Variants in STT3A observed in about 807,000 individuals in gnomAD.
The protein encoded by STT3A is STT3 oligosaccharyltransferase complex catalytic subunit A.
Under a neutral mutation model 89.2 loss-of-function variants are expected in STT3A, and 34 were observed. The observed-to-expected ratio is 0.38, with a 90% confidence interval of 0.29 to 0.51. The LOEUF (loss-of-function observed/expected upper bound fraction) is 0.51. STT3A is among the 20% of genes least tolerant of loss of function. STT3A has a pLI of 0.89. For synonymous variants in STT3A, 282 were observed against 310.3 expected, an observed-to-expected ratio of 0.91 and a Z score of 0.96; for missense variants, 555 against 889.5, an observed-to-expected ratio of 0.62 and a Z score of 4.78.
chr11:125,598,152 C>G (rs1239965850), intron 3 of STT3A, among the ~76,000 whole-genome samples: 3 of 151,974 alleles, frequency 2.0e-5, no homozygotes, highest in African/African-American at 7.3e-5. Flanking sequence ...GTGGAGGTTG[C>G]AGTGAGCCAA....
chr11:125,613,300 C>T lies in STT3A; in HGVS notation c.1554+123C>T, dbSNP rs577484002. On this transcript the variant is annotated intron_variant, in intron 13 of 17. Transcript: ENST00000392708. This position sits in a 1 kb window ranked among gnomAD's most constrained non-coding sequence, Gnocchi z 4.2. ...TGGGTGAAACTGGAACTTTGCAACT[C>T]TAGTCTTGAATGAGCCTTAAAGGTG... 2.2e-5 allele frequency: 23 copies of T among 1,058,766 alleles called. No individual in the cohort carries two copies. The African/African-American group carries it at 3.5e-4, about 16-fold the overall frequency. The allele number at this position is 1,058,766 out of a possible 1,614,324, so 65.6% of individuals were successfully genotyped here. A position where few individuals can be genotyped will look rare whatever the true frequency, so the allele number is the denominator to read the frequency against.
At chr11:125,612,216 A>G in intron 11 of STT3A, among the ~76,000 whole-genome samples, 1 of 152,308 alleles carries the variant, frequency 6.6e-6, no homozygotes. Flanking sequence ...AGATTGTAAT[A>G]CTAATAACTA....
chr11:125,604,501 T>A (rs1228633061), intron 6 of STT3A, among the ~76,000 whole-genome samples: 1 of 152,226 alleles, frequency 6.6e-6, no homozygotes, highest in Non-Finnish European at 1.5e-5. Flanking sequence ...TTTAACATTA[T>A]AATCATTTGC....
At chr11:125,619,119 G>A (rs1266040612) in intron 16 of STT3A, among the ~76,000 whole-genome samples, 1 of 151,928 alleles carries the variant, frequency 6.6e-6, no homozygotes, top group African/African-American at 2.4e-5. Context: ...GCACGATCTT[G>A]GCTCACTGCA....
At chr11:125,592,595 A>G (rs758220230), upstream of STT3A, 3 of 424,594 alleles carry the variant, frequency 7.1e-6, no homozygotes, top group Non-Finnish European at 9.4e-6. Context: ...GCCCTCAACC[A>G]AACTGCTTGG....
chr11:125,619,922 A>C lies in STT3A; in HGVS notation c.1964-89A>C. 2.7e-6 allele frequency: 3 copies of C among 1,098,790 alleles called. No individual in the cohort carries two copies. In the South Asian group the frequency reaches 4.5e-5, roughly 16 times the overall value. 68.1% of individuals were successfully genotyped at this position (1,098,790 alleles called of 1,614,324 possible). A position where few individuals can be genotyped will look rare whatever the true frequency, so the allele number is the denominator to read the frequency against. On this transcript the variant is annotated intron_variant, in intron 16 of 17. Coordinates refer to ENST00000392708, the MANE Select transcript of STT3A (RefSeq NM_152713.5). The stretch of plus-strand genomic sequence containing the variant: ...ATTGCAGGCTGAGGAATAATCATCA[A>C]TTAGTAGATGGTTTCCTGAATCCAT...
chr11:125,609,942 T>A (rs1432617727), intron 10 of STT3A: 6 of 202,542 alleles, frequency 3.0e-5, no homozygotes, highest in African/African-American at 7.0e-5. Flanking sequence ...TGAAGTCCCA[T>A]AATGAGTACT....
At position 125,614,012 on chromosome 11, in the gene STT3A, G is replaced by A; in HGVS notation, c.1555-75G>A. 1 of 1,326,584 alleles carries A rather than the reference G, an allele frequency of 7.5e-7. No individual in the cohort carries two copies. Among genetic ancestry groups the A allele is most frequent in the Admixed American group, 1.8e-5 (1 of 57,130 alleles). The allele number at this position is 1,326,584 out of a possible 1,614,324, so 82.2% of individuals were successfully genotyped here. ...CAGGTGTCACTTCTGTCAGACCAAA[G>A]ATGCCTTCTCTGTTGCATTTGATTT... On this transcript the variant is annotated intron_variant, in intron 13 of 17. Transcript: ENST00000392708. The surrounding 1 kb of genome is among the most constrained non-coding windows in gnomAD (Gnocchi z 4.9).
chr11:125,617,150 T>G (rs977592310), intron 15 of STT3A, among the ~76,000 whole-genome samples: 1 of 152,226 alleles, frequency 6.6e-6, no homozygotes, highest in African/African-American at 2.4e-5. Flanking sequence ...GTGCCTCAGT[T>G]TCTCCATTTG....
At chr11:125,596,339 C>A (rs1274580992) in intron 2 of STT3A, among the ~76,000 whole-genome samples, 1 of 152,136 alleles carries the variant, frequency 6.6e-6, no homozygotes, top group East Asian at 1.9e-4. Context: ...GTGGTGGATG[C>A]CTGTATTCCC....
chr11:125,611,342 C>T (rs1441271653), intron 10 of STT3A, 86 bp from the exon 11 acceptor site: 51 of 986,096 alleles, frequency 5.2e-5, no homozygotes, highest in Non-Finnish European at 7.7e-5. Context: ...TGTGTGGAAT[C>T]ATCCAGTCAT....
rs2135955184 is a variant in STT3A, at chr11:125,622,541, T to A, written c.*1731T>A. ...TCTAGGCTACATGAAGCTATCTTTTTAAAAAGTGTACTCTTCATTTTCACT... is the reference window on the plus strand; with the variant it reads ...TCTAGGCTACATGAAGCTATCTTTTAAAAAAGTGTACTCTTCATTTTCACT... On this transcript the variant is annotated 3_prime_UTR_variant, in exon 18 of 18. Transcript: ENST00000392708. The A allele has an allele frequency of 6.6e-6, 1 of 152,318 alleles. No homozygotes were observed. Among genetic ancestry groups the A allele is most frequent in the East Asian group, 1.9e-4 (1 of 5,188 alleles). 9.4% of individuals were successfully genotyped at this position (152,318 alleles called of 1,614,324 possible). A position where few individuals can be genotyped will look rare whatever the true frequency, so the allele number is the denominator to read the frequency against.
At chr11:125,612,518 T>G in intron 11 of STT3A, 74 bp from the exon 12 acceptor site, 6 of 1,510,412 alleles carry the variant, frequency 4.0e-6, no homozygotes, top group Non-Finnish European at 4.4e-6. Context: ...ATTGATGTCT[T>G]GATCTACTAA....
rs1940327800 is a variant in STT3A, at chr11:125,620,868, A to AG, written c.*59dup. On this transcript the variant is annotated 3_prime_UTR_variant, in exon 18 of 18. Coordinates refer to ENST00000392708, the MANE Select transcript of STT3A (RefSeq NM_152713.5). Reference sequence around the variant, plus strand: ...GAGCACATCACATTTAGGACGTTGAAGATTTTTTTTTTTTTTTTTTTTTAA... The same window carrying AG: ...GAGCACATCACATTTAGGACGTTGAAGGATTTTTTTTTTTTTTTTTTTTTAA... 1.7e-6 allele frequency: 2 copies of AG among 1,185,212 alleles called. No individual in the cohort carries two copies. The highest frequency in any genetic ancestry group is 1.7e-5 in the African/African-American group (1 of 59,722). 73.4% of individuals were successfully genotyped at this position (1,185,212 alleles called of 1,614,324 possible).
rs1373587856 is a variant in STT3A at position 125,621,896 on chromosome 11, A to G, written c.*1086A>G. On this transcript the variant is annotated 3_prime_UTR_variant, in exon 18 of 18. Coordinates refer to ENST00000392708, the MANE Select transcript of STT3A (RefSeq NM_152713.5). ...TATGAAAAATAAAAATTAGCCAGGT[A>G]TGGTGGTGTACACCTGTAGTCCCAG... 1.3e-5 allele frequency: 2 copies of G among 152,290 alleles called. No homozygotes were observed. Among genetic ancestry groups the G allele is most frequent in the East Asian group, 3.9e-4 (2 of 5,184 alleles). 9.4% of individuals were successfully genotyped at this position (152,290 alleles called of 1,614,324 possible).
chr11:125,602,837 A>G lies in STT3A; in HGVS notation c.306A>G (p.Val102=), dbSNP rs1330018883. ...TCACCTCTGCTGCAATCTACCATGT[A>G]CTCCATTTTTTCCACATCACCATCG... ...LMITSAAIYH[V]LHFFHITIDI... The change falls in exon 5 of 18, where the codon GTA becomes GTG. Residue 102 remains valine (V), a synonymous_variant. Transcript: ENST00000392708. 4 of 1,613,832 alleles carry G rather than the reference A, an allele frequency of 2.5e-6. No homozygotes were observed. The highest frequency in any genetic ancestry group is 1.6e-4 in the Middle Eastern group (1 of 6,062).
At chr11:125,592,749 A>G (rs1939347467), upstream of STT3A, 1 of 293,260 alleles carries the variant, frequency 3.4e-6, no homozygotes, top group Non-Finnish European at 6.9e-6. Context: ...ACGCCTCCGG[A>G]TTTGACAGAC....
chr11:125,604,130 T>A, intron 5 of STT3A, 27 bp from the exon 6 acceptor site: 1 of 1,610,984 alleles, frequency 6.2e-7, no homozygotes. Flanking sequence ...TTGGTGTTAA[T>A]GTCTTATTAC....
intron 15 of STT3A, 128 bp from the exon 16 acceptor site, chr11:125,618,245 T>C (rs1255420298): frequency 1.0e-5 from 9 of 867,006 alleles, no homozygotes; most frequent in Non-Finnish European, 1.4e-5. Flanking sequence ...TCACTATTTT[T>C]ACAAATTAGA....
Sources: gnomAD v4.1 joint callset for allele counts (sites outside exome capture counted in the v4.1 genomes callset) on GRCh38, gnomAD v4.1.1 for gene constraint, Gnocchi (gnomAD v3.1) non-coding constraint, MANE v1.5 for transcripts, NCBI Gene and HGNC (gene_info 2026-07-23, HGNC 2026-07-21) for gene names.